PLD5: variants seen among roughly 807,000 people sequenced by gnomAD.
PLD5 encodes the protein phospholipase D family member 5.
In PLD5, 36 loss-of-function variants were observed where a neutral mutation model predicts 61.1. That is an observed-to-expected ratio of 0.59 (90% CI 0.45 to 0.78). The LOEUF (loss-of-function observed/expected upper bound fraction) is 0.78, where lower values mean the gene tolerates loss of function less well. Ranked by LOEUF, PLD5 falls within the 30% of genes least tolerant of loss-of-function variation. The pLI is 0.00. For synonymous variants in PLD5, 243 were observed against 242.8 expected (o/e 1.00, Z -0.01); for missense variants, 515 against 644.4 (o/e 0.80, Z 2.17).
intron 5 of PLD5, among the ~76,000 whole-genome samples, chr1:242,212,345 T>C (rs1669880305): frequency 6.6e-6 from 1 of 152,184 alleles, no homozygotes; most frequent in Non-Finnish European, 1.5e-5. Flanking sequence ...CAATCAGATG[T>C]ATAAACCCAT....
intron 1 of PLD5, among the ~76,000 whole-genome samples, chr1:242,449,902 G>T (rs1048737458): frequency 2.0e-5 from 3 of 152,208 alleles, no homozygotes; most frequent in African/African-American, 7.2e-5. Flanking sequence ...CTCGGTCATC[G>T]GTGGGTGTTT....
intron 1 of PLD5, among the ~76,000 whole-genome samples, chr1:242,399,179 C>T (rs1172136203): frequency 2.0e-5 from 3 of 152,310 alleles, no homozygotes; most frequent in Non-Finnish European, 4.4e-5. Flanking sequence ...TTGCATTCCT[C>T]ACATGCTCAG....
At chr1:242,322,831 T>G (rs1384616516) in intron 2 of PLD5, among the ~76,000 whole-genome samples, 1 of 152,256 alleles carries the variant, frequency 6.6e-6, no homozygotes, top group Non-Finnish European at 1.5e-5. Flanking sequence ...ATTAAACTTC[T>G]TTTCTTTATA....
chr1:242,219,024 T>C (rs1670395091), intron 5 of PLD5, among the ~76,000 whole-genome samples: 1 of 152,240 alleles, frequency 6.6e-6, no homozygotes, highest in Non-Finnish European at 1.5e-5. Context: ...ACAATAATCA[T>C]TGATTTCACT....
At chr1:242,483,020 TCAC>T (rs1667835779) in intron 1 of PLD5, among the ~76,000 whole-genome samples, 1 of 152,170 alleles carries the variant, frequency 6.6e-6, no homozygotes, top group Non-Finnish European at 1.5e-5. Context: ...AGAAATTTTG[TCAC>T]CACCAGGCCT....
chr1:242,333,360 A>AT (rs1215020848), intron 2 of PLD5, among the ~76,000 whole-genome samples: 4 of 151,834 alleles, frequency 2.6e-5, no homozygotes, highest in Admixed American at 6.6e-5. Flanking sequence ...TCAGAAACAT[A>AT]TTTTTTTTCT....
At chr1:242,129,785 C>T (rs1203589734) in intron 5 of PLD5, among the ~76,000 whole-genome samples, 2 of 152,156 alleles carry the variant, frequency 1.3e-5, no homozygotes, top group Non-Finnish European at 2.9e-5. Context: ...CATCCTTCAT[C>T]CCGCTCCTAT....
chr1:242,195,443 A>C (rs1212006634), intron 5 of PLD5, among the ~76,000 whole-genome samples: 2 of 152,226 alleles, frequency 1.3e-5, no homozygotes, highest in Non-Finnish European at 2.9e-5. Context: ...TAACTGATGA[A>C]ACATTCTTCT....
intron 5 of PLD5, among the ~76,000 whole-genome samples, chr1:242,190,700 G>A (rs1023948291): frequency 2.0e-5 from 3 of 151,576 alleles, no homozygotes; most frequent in Non-Finnish European, 2.9e-5. Context: ...TGGGCAACAT[G>A]GCAAAACCTC....
rs59409907 is a variant in PLD5 at position 242,245,052 on chromosome 1, GC to G, written c.607+20284del. ...TTTGTCAATACTGATTATGCTGGGA[GC>G]CTCAGGCATGTGCCAAGTACATTAC... On this transcript the variant is annotated intron_variant, in intron 4 of 9. Transcript: ENST00000536534. Among the ~76,000 whole-genome samples, 1,365 of 152,250 alleles carry G rather than the reference GC, an allele frequency of 9.0e-3. 21 individuals carry two copies. The highest frequency in any genetic ancestry group is 0.031 in the African/African-American group (1,305 of 41,538).
intron 1 of PLD5, among the ~76,000 whole-genome samples, chr1:242,405,582 T>C (rs1664190827): frequency 6.7e-6 from 1 of 150,148 alleles, no homozygotes; most frequent in African/African-American, 2.5e-5. Context: ...TTGCACCATA[T>C]GAAACTGCCA....
intron 3 of PLD5, among the ~76,000 whole-genome samples, chr1:242,285,548 G>A (rs1574666921): frequency 6.6e-6 from 1 of 151,860 alleles, no homozygotes; most frequent in African/African-American, 2.4e-5. Flanking sequence ...GGGTCATGGT[G>A]GAGGCTAGCC....
chr1:242,313,769 TTTTG>T (rs1336509708), intron 2 of PLD5, among the ~76,000 whole-genome samples: 20 of 150,562 alleles, frequency 1.3e-4, no homozygotes, highest in African/African-American at 3.4e-4. Flanking sequence ...ACAATGCCTT[TTTTG>T]TTTGTTTGTT....
In PLD5 at chr1:242,480,064, CA is replaced by C. The variant is rs1200354211; in HGVS notation, c.189+44023del. On this transcript the variant is annotated intron_variant, in intron 1 of 9. Coordinates refer to ENST00000536534, the MANE Select transcript of PLD5 (RefSeq NM_001372062.1). ...GACTCTGTCTCAGAAAAAAAAAAAA[CA>C]AAAAAAAAGGAAAAAAGAAAGCTTA... Among the ~76,000 whole-genome samples, 12 of 139,858 alleles carry C rather than the reference CA, an allele frequency of 8.6e-5. No homozygotes were observed. The East Asian group carries it at 1.4e-3, about 17-fold the overall frequency. 91.8% of individuals were successfully genotyped at this position (139,858 alleles called of 152,430 possible). A position where few individuals can be genotyped will look rare whatever the true frequency, so the allele number is the denominator to read the frequency against.
At chr1:242,387,611 A>C (rs1356935057) in intron 1 of PLD5, among the ~76,000 whole-genome samples, 1 of 148,738 alleles carries the variant, frequency 6.7e-6, no homozygotes, top group Non-Finnish European at 1.5e-5. Flanking sequence ...GAATACATAT[A>C]TATTTTGTAT....
At chr1:242,133,123 C>T (rs747313087) in intron 5 of PLD5, among the ~76,000 whole-genome samples, 6 of 151,616 alleles carry the variant, frequency 4.0e-5, no homozygotes, top group Non-Finnish European at 8.8e-5. Context: ...CAACCAATCA[C>T]GCTGGTCAGG....
intron 5 of PLD5, among the ~76,000 whole-genome samples, chr1:242,156,769 C>CTA (rs978893700): frequency 6.6e-6 from 1 of 152,192 alleles, no homozygotes; most frequent in African/African-American, 2.4e-5. Context: ...ACTTTTCTCT[C>CTA]TGGCTGCCCT....
At chr1:242,118,500 G>A (rs1255167780) in intron 6 of PLD5, among the ~76,000 whole-genome samples, 1 of 152,220 alleles carries the variant, frequency 6.6e-6, no homozygotes, top group Non-Finnish European at 1.5e-5. Flanking sequence ...TGAGCTGCCT[G>A]GTTGTGTATC....
chr1:242,390,401 A>G (rs925431261), intron 1 of PLD5, among the ~76,000 whole-genome samples: 1 of 152,188 alleles, frequency 6.6e-6, no homozygotes, highest in African/African-American at 2.4e-5. Flanking sequence ...CCCTTGTTCT[A>G]TGCTTGACTT....
Sources: gnomAD v4.1 joint callset for allele counts (sites outside exome capture counted in the v4.1 genomes callset) on GRCh38, gnomAD v4.1.1 for gene constraint, MANE v1.5 for transcripts, NCBI Gene and HGNC (gene_info 2026-07-23, HGNC 2026-07-21) for gene names.